TXNDC11: variants seen among roughly 807,000 people sequenced by gnomAD.
The protein encoded by TXNDC11 is thioredoxin domain containing 11.
In TXNDC11, 68 loss-of-function variants were observed where a neutral mutation model predicts 78.0. The observed-to-expected ratio is 0.87, with a 90% CI of 0.72 to 1.07. The LOEUF (loss-of-function observed/expected upper bound fraction) is 1.07. Among genes scored for constraint, TXNDC11 ranks in the 50% least tolerant of loss-of-function variants. The pLI is 0.00. For synonymous variants in TXNDC11, 571 were observed against 495.2 expected (o/e 1.15, Z -2.03); for missense variants, 1,389 against 1,221.8 (o/e 1.14, Z -2.04).
chr16:11,705,717 T>G (rs1332256518), intron 5 of TXNDC11, among the ~76,000 whole-genome samples: 1 of 152,240 alleles, frequency 6.6e-6, no homozygotes, highest in Non-Finnish European at 1.5e-5. Context: ...AACTTTATTT[T>G]TCACACATAA....
In TXNDC11 at chr16:11,742,566, G is replaced by T. The variant is rs1405544142; in HGVS notation, c.165C>A (p.Ala55=). ...AGRLRRGLRG[A]FLMARQRPEL... is the part of the protein sequence containing the mutation. The stretch of plus-strand genomic sequence containing the variant: ...CCGGCCGCTGGCGCGCCATGAGGAA[G>T]GCGCCACGCAGCCCGCGACGGAGCC... Residue 55 remains alanine (A), a synonymous_variant, in exon 1 of 12, where the codon GCC becomes GCA. Coordinates refer to ENST00000283033, the MANE Select transcript of TXNDC11 (RefSeq NM_015914.7). 6.9e-7 allele frequency: 1 copy of T among 1,456,510 alleles called. No homozygotes were observed. The highest frequency in any genetic ancestry group is 9.0e-7 in the Non-Finnish European group (1 of 1,110,720). 90.2% of individuals were successfully genotyped at this position (1,456,510 alleles called of 1,614,324 possible). A position where few individuals can be genotyped will look rare whatever the true frequency, so the allele number is the denominator to read the frequency against.
chr16:11,720,592 T>G (rs1003031137), intron 5 of TXNDC11, among the ~76,000 whole-genome samples: 5 of 152,010 alleles, frequency 3.3e-5, no homozygotes, highest in Admixed American at 6.6e-5. Flanking sequence ...AATTTTTGTA[T>G]TTTTAGTAGA....
chr16:11,734,902 G>A (rs537478151), intron 2 of TXNDC11, among the ~76,000 whole-genome samples: 1 of 152,184 alleles, frequency 6.6e-6, no homozygotes, highest in Admixed American at 6.5e-5. Context: ...GGAAGCTACA[G>A]TGCATACGTA....
At chr16:11,714,694 C>T (rs980937742) in intron 5 of TXNDC11, among the ~76,000 whole-genome samples, 21 of 151,990 alleles carry the variant, frequency 1.4e-4, no homozygotes, top group African/African-American at 5.1e-4. Context: ...AAGCTTTCTT[C>T]GCTTGGAGGA....
chr16:11,713,202 AC>A, intron 5 of TXNDC11, among the ~76,000 whole-genome samples: 1 of 149,960 alleles, frequency 6.7e-6, no homozygotes, highest in African/African-American at 2.5e-5. Context: ...TAGGAGGATC[AC>A]CTGAGCCTGG....
intron 5 of TXNDC11, among the ~76,000 whole-genome samples, chr16:11,712,465 C>T (rs1324842754): frequency 6.6e-6 from 1 of 152,166 alleles, no homozygotes; most frequent in Non-Finnish European, 1.5e-5. Context: ...TTGTGAGCAA[C>T]CCTACTTCTT....
At chr16:11,688,261 GA>G (rs2050617613) in intron 9 of TXNDC11, 41 bp downstream of exon 9, 1 of 1,596,408 alleles carries the variant, frequency 6.3e-7, no homozygotes. Context: ...ATTATTTTAA[GA>G]GGGACAGATG....
At position 11,691,825 on chromosome 16, in the gene TXNDC11, C is replaced by G. The variant is rs773327142; in HGVS notation, c.1365G>C (p.Pro455=). The change falls in exon 8 of 12, where the codon CCG becomes CCC. Residue 455 remains proline, a synonymous_variant. Coordinates refer to ENST00000283033, the MANE Select transcript of TXNDC11 (RefSeq NM_015914.7). Reference sequence around the variant, plus strand: ...TGCACTGTGGCACGCTGACCGAGCTCGGCTTCATGCCCCCGGAGGTCTGGT... The same window carrying G: ...TGCACTGTGGCACGCTGACCGAGCTGGGCTTCATGCCCCCGGAGGTCTGGT... ...CVNQTSGGMK[P]SSVSVPQCSF... 6.2e-7 allele frequency: 1 copy of G among 1,614,264 alleles called. No homozygotes were observed. Among genetic ancestry groups the G allele is most frequent in the South Asian group, 1.1e-5 (1 of 91,092 alleles).
At position 11,691,701 on chromosome 16, in the gene TXNDC11, T is replaced by C; in HGVS notation, c.1489A>G (p.Thr497Ala). ...TAGTAGCTGAAGGGGCTATAGGAAG[T>C]TAAAAAATTGCTGCATTCTATGCTG... ...SDSIECSNFL[T>A]SYSPFSYYTA... Residue 497 changes from threonine (T) to alanine (A), a missense_variant, in exon 8 of 12, where the codon ACT (threonine) becomes GCT (alanine). Physicochemically the swap from Thr to Ala is moderately conservative, Grantham distance 58. Coordinates refer to ENST00000283033, the MANE Select transcript of TXNDC11 (RefSeq NM_015914.7). 6.2e-7 allele frequency: 1 copy of C among 1,614,174 alleles called. No individual in the cohort carries two copies. The highest frequency in any genetic ancestry group is 8.5e-7 in the Non-Finnish European group (1 of 1,180,034).
chr16:11,740,611 G>A (rs551204435), intron 1 of TXNDC11, among the ~76,000 whole-genome samples: 3 of 152,286 alleles, frequency 2.0e-5, no homozygotes, highest in South Asian at 2.1e-4. Flanking sequence ...ATGTCACCTC[G>A]CAACACTCTA....
At chr16:11,727,193 C>A (rs2051907506) in intron 4 of TXNDC11, among the ~76,000 whole-genome samples, 1 of 150,476 alleles carries the variant, frequency 6.6e-6, no homozygotes, top group Admixed American at 6.6e-5. Flanking sequence ...TATAATTAAT[C>A]AATTTTTTTT....
At chr16:11,729,663 T>A (rs199609356) in intron 4 of TXNDC11, among the ~76,000 whole-genome samples, 26 of 152,342 alleles carry the variant, frequency 1.7e-4, no homozygotes, top group Middle Eastern at 6.8e-3. Flanking sequence ...CTAAGTATCA[T>A]TTTACTTGTA....
intron 5 of TXNDC11, among the ~76,000 whole-genome samples, chr16:11,718,899 T>C (rs191042249): frequency 6.6e-6 from 1 of 152,280 alleles, no homozygotes; most frequent in Non-Finnish European, 1.5e-5. Context: ...AGGAGGTTCA[T>C]TTTGAACCTT....
intron 5 of TXNDC11, among the ~76,000 whole-genome samples, chr16:11,720,043 G>A (rs35649585): frequency 0.47 from 72,131 of 151,942 alleles, 17,438 homozygotes; most frequent in Middle Eastern, 0.57. Context: ...GGGTGAAGGG[G>A]CGCAGACTGG....
intron 3 of TXNDC11, among the ~76,000 whole-genome samples, 160 bp downstream of exon 3, chr16:11,733,822 G>A (rs927885697): frequency 6.6e-6 from 1 of 152,110 alleles, no homozygotes; most frequent in Non-Finnish European, 1.5e-5. Flanking sequence ...TAAAAAGGGG[G>A]GTGGATTATC....
At chr16:11,725,858 G>C (rs2051861377) in intron 4 of TXNDC11, among the ~76,000 whole-genome samples, 3 of 152,280 alleles carry the variant, frequency 2.0e-5, no homozygotes, top group Middle Eastern at 3.4e-3. Flanking sequence ...CCTAGAAATT[G>C]TTTCTGGTCT....
At chr16:11,721,970 C>T (rs547054238) in intron 4 of TXNDC11, among the ~76,000 whole-genome samples, 1 of 152,188 alleles carries the variant, frequency 6.6e-6, no homozygotes, top group Admixed American at 6.5e-5. Context: ...TCTTTCCACA[C>T]CCTGTTTGTT....
At chr16:11,696,436 G>C (rs1355286066) in intron 7 of TXNDC11, among the ~76,000 whole-genome samples, 3 of 152,158 alleles carry the variant, frequency 2.0e-5, no homozygotes, top group Non-Finnish European at 4.4e-5. Flanking sequence ...TTCACTCCCT[G>C]TACTGGACAA....
At chr16:11,684,969 C>T (rs892616065) in intron 10 of TXNDC11, among the ~76,000 whole-genome samples, 3 of 152,254 alleles carry the variant, frequency 2.0e-5, no homozygotes, top group Admixed American at 6.5e-5. Flanking sequence ...TGTTTTCAAT[C>T]TTTACCTTGA....
Sources: gnomAD v4.1 joint callset for allele counts (sites outside exome capture counted in the v4.1 genomes callset) on GRCh38, gnomAD v4.1.1 for gene constraint, MANE v1.5 for transcripts, NCBI Gene and HGNC (gene_info 2026-07-23, HGNC 2026-07-21) for gene names.